NHS: variants seen among roughly 807,000 people sequenced by gnomAD.
The protein encoded by NHS is NHS actin remodeling regulator, also known as actin remodeling regulator NHS.
A neutral mutation model predicts 72.5 loss-of-function variants in NHS; 5 were observed. The ratio of observed to expected loss-of-function variants is 0.07; its 90% confidence interval spans 0.04 to 0.14. The LOEUF is 0.14. NHS is among the 10% of genes least tolerant of loss of function. The pLI is 1.00. For missense variants in NHS, 1,072 were observed against 1,355.7 expected (o/e 0.79, Z 3.29); for synonymous variants, 464 against 547.7 (o/e 0.85, Z 2.13).
chrX:17,728,549 C>CTGTTTGTTTGTT lies in NHS; in HGVS notation c.4223-83_4223-72dup, dbSNP rs10643465. The CTGTTTGTTTGTT allele has an allele frequency of 6.6e-6, 7 of 1,060,902 alleles. No homozygotes were observed. The African/African-American group carries it at 1.4e-4, about 22-fold the overall frequency. 87.4% of individuals were successfully genotyped at this position (1,060,902 alleles called of 1,213,427 possible). ...TTAAAAAATGGCAGCAAGGTAATTT[C>CTGTTTGTTTGTT]TGTTTGTTTGTTTGTTTGTTTGTTT... On this transcript the variant is annotated intron_variant, in intron 7 of 8. Coordinates refer to ENST00000676302, the MANE Select transcript of NHS (RefSeq NM_001291867.2).
At chrX:17,580,753 A>G in intron 1 of NHS, among the ~76,000 whole-genome samples, 1 of 112,561 alleles carries the variant, frequency 8.9e-6, no homozygotes, top group Admixed American at 9.4e-5. Flanking sequence ...AAGGACAGGA[A>G]ACAAATGTCT....
At chrX:17,521,934 G>A (rs1041448141) in intron 1 of NHS, among the ~76,000 whole-genome samples, 1 of 112,676 alleles carries the variant, frequency 8.9e-6, no homozygotes, top group Non-Finnish European at 1.9e-5. Context: ...GAAAATCAGG[G>A]TTTGGTTCCA....
chrX:17,514,874 G>A (rs1399405398), intron 1 of NHS, among the ~76,000 whole-genome samples: 5 of 111,673 alleles, frequency 4.5e-5, no homozygotes, highest in Non-Finnish European at 9.4e-5. Flanking sequence ...GGATGGCTTA[G>A]AAGCAACAAA....
intron 1 of NHS, among the ~76,000 whole-genome samples, chrX:17,562,488 C>T (rs1007431478): frequency 9.0e-6 from 1 of 111,358 alleles, no homozygotes; most frequent in African/African-American, 3.3e-5. Flanking sequence ...GGCACAGAGA[C>T]ACAGGTAGGG....
chrX:17,733,988 T>A lies in NHS; in HGVS notation c.*1524T>A, dbSNP rs1000223183. On this transcript the variant is annotated 3_prime_UTR_variant, in exon 9 of 9. Transcript: ENST00000676302. ...AAAATCTGCAAATGGTTTTTACACC[T>A]CTGATTTTAACATGAACTTATACTA... The A allele has an allele frequency of 8.9e-6, 1 of 112,876 alleles. No individual in the cohort carries two copies. Among genetic ancestry groups the A allele is most frequent in the Non-Finnish European group, 1.9e-5 (1 of 53,388 alleles). The allele number at this position is 112,876 out of a possible 1,213,427, so 9.3% of individuals were successfully genotyped here.
chrX:17,380,671 T>G, intron 1 of NHS, among the ~76,000 whole-genome samples: 1 of 112,084 alleles, frequency 8.9e-6, no homozygotes, highest in Middle Eastern at 4.7e-3. Context: ...TGTAAGGCGT[T>G]TCACTCTGAA....
At chrX:17,435,718 T>C (rs1309193450) in intron 1 of NHS, among the ~76,000 whole-genome samples, 1 of 112,873 alleles carries the variant, frequency 8.9e-6, no homozygotes, top group Non-Finnish European at 1.9e-5. Flanking sequence ...AATTGTCAGC[T>C]TATGGTTCAG....
At chrX:17,682,406 G>T (rs112202347) in intron 1 of NHS, among the ~76,000 whole-genome samples, 302 of 111,651 alleles carry the variant, frequency 2.7e-3, no homozygotes, top group Middle Eastern at 4.6e-3. Flanking sequence ...TGGGGCACCA[G>T]AACGGATGGT....
chrX:17,511,464 G>A (rs1312391198), intron 1 of NHS, among the ~76,000 whole-genome samples: 1 of 111,555 alleles, frequency 9.0e-6, no homozygotes, highest in Non-Finnish European at 1.9e-5. Flanking sequence ...AGATAAGACA[G>A]TCACCTTTGG....
chrX:17,543,264 A>G (rs1361313754), intron 1 of NHS, among the ~76,000 whole-genome samples: 1 of 112,206 alleles, frequency 8.9e-6, no homozygotes, highest in African/African-American at 3.2e-5. Flanking sequence ...ATTCTGATGC[A>G]TTTGAGGGAT....
intron 2 of NHS, among the ~76,000 whole-genome samples, chrX:17,688,186 T>C (rs1409690496): frequency 2.7e-5 from 3 of 112,009 alleles, no homozygotes; most frequent in Non-Finnish European, 5.6e-5. Flanking sequence ...CTAGAAGACA[T>C]CATGAAGCAG....
At chrX:17,415,074 T>A (rs1396727644) in intron 1 of NHS, among the ~76,000 whole-genome samples, 6 of 111,115 alleles carry the variant, frequency 5.4e-5, no homozygotes, top group Non-Finnish European at 1.1e-4. Flanking sequence ...GAGACCTCGC[T>A]GGGGACAGCT....
At chrX:17,443,048 T>C (rs1228213547) in intron 1 of NHS, among the ~76,000 whole-genome samples, 4 of 112,094 alleles carry the variant, frequency 3.6e-5, no homozygotes, top group Non-Finnish European at 7.5e-5. Flanking sequence ...AGGGAACGCA[T>C]AGGCCTCAGA....
At chrX:17,609,168 T>G (rs1037599148) in intron 1 of NHS, among the ~76,000 whole-genome samples, 4 of 112,098 alleles carry the variant, frequency 3.6e-5, no homozygotes, top group African/African-American at 1.3e-4. Context: ...ATTTATTTAA[T>G]GCCAAATTGA....
rs149387957 is a variant in NHS at position 17,534,328 on chromosome X, C to T, written c.566-153414C>T. On this transcript the variant is annotated intron_variant, in intron 1 of 8. Coordinates refer to ENST00000676302, the MANE Select transcript of NHS (RefSeq NM_001291867.2). Reference sequence around the variant, plus strand: ...GTCACAAGGAGGCCAGTGTGGTTAGCGATGCCTGGGACATTGATTTTGGGA... The same window carrying T: ...GTCACAAGGAGGCCAGTGTGGTTAGTGATGCCTGGGACATTGATTTTGGGA... 4.3e-3 allele frequency among the ~76,000 whole-genome samples: 484 copies of T among 111,633 alleles called. 3 individuals are homozygous for T. Among genetic ancestry groups the T allele is most frequent in the African/African-American group, 0.015 (445 of 30,672 alleles).
chrX:17,486,617 C>T (rs1008600151), intron 1 of NHS, among the ~76,000 whole-genome samples: 8 of 111,687 alleles, frequency 7.2e-5, no homozygotes, highest in African/African-American at 2.6e-4. Flanking sequence ...AGCTTCAGCC[C>T]ACATCGTATT....
chrX:17,430,930 A>T (rs1437933559), intron 1 of NHS, among the ~76,000 whole-genome samples: 1 of 112,209 alleles, frequency 8.9e-6, no homozygotes, highest in Non-Finnish European at 1.9e-5. Flanking sequence ...TAGTGATGCT[A>T]TGAATATTTG....
At chrX:17,499,672 T>G (rs1288175297) in intron 1 of NHS, among the ~76,000 whole-genome samples, 2 of 111,509 alleles carry the variant, frequency 1.8e-5, no homozygotes, top group East Asian at 5.7e-4. Context: ...GAATGTGGTC[T>G]CATATGGAGC....
chrX:17,642,522 G>A (rs368630976), intron 1 of NHS, among the ~76,000 whole-genome samples: 23 of 111,704 alleles, frequency 2.1e-4, no homozygotes, highest in African/African-American at 7.5e-4. Flanking sequence ...ATCTTATCCC[G>A]TTCTTTCTGA....
Sources: allele counts gnomAD v4.1 joint callset (sites outside exome capture counted in the v4.1 genomes callset), GRCh38; gene constraint gnomAD v4.1.1; transcripts MANE v1.5; gene names NCBI Gene and HGNC (gene_info 2026-07-23, HGNC 2026-07-21).